The following KRIT1 variants were observed in gnomAD, a reference collection of about 807,000 sequenced individuals.
KRIT1 encodes krev interaction trapped protein 1.
KRIT1 carries 45 observed loss-of-function variants against 95.8 expected under a neutral mutation model. That is an observed-to-expected ratio of 0.47 (90% CI 0.37 to 0.60). The LOEUF (loss-of-function observed/expected upper bound fraction) is 0.60. Among genes scored for constraint, KRIT1 ranks in the 20% least tolerant of loss-of-function variants. The probability of loss-of-function intolerance (pLI) is 0.00; values close to 1 mark genes in which losing one functional copy is unlikely to be tolerated. For missense variants in KRIT1, 788 were observed against 877.5 expected (o/e 0.90, Z 1.29); for synonymous variants, 282 against 278.8 (o/e 1.01, Z -0.11).
intron 5 of KRIT1, 86 bp downstream of exon 5, chr7:92,240,907 A>G (rs1189161837): frequency 3.8e-6 from 4 of 1,064,018 alleles, no homozygotes; most frequent in African/African-American, 1.6e-5. Context: ...ATAAAAAGAA[A>G]TTGGTTTAAT....
At chr7:92,231,606 G>C (rs559573198) in intron 10 of KRIT1, among the ~76,000 whole-genome samples, 1 of 152,186 alleles carries the variant, frequency 6.6e-6, no homozygotes. Context: ...ACAGTCAAGA[G>C]CCCAGTGTCC....
At chr7:92,232,504 C>T (rs1466155710) in intron 10 of KRIT1, among the ~76,000 whole-genome samples, 2 of 147,480 alleles carry the variant, frequency 1.4e-5, no homozygotes, top group African/African-American at 5.1e-5. Context: ...ACCATTCTTT[C>T]ATTAGAGGGG....
intron 17 of KRIT1, among the ~76,000 whole-genome samples, chr7:92,212,098 C>G (rs1312059159): frequency 6.6e-6 from 1 of 151,994 alleles, no homozygotes; most frequent in Non-Finnish European, 1.5e-5. Context: ...GAGTGAGACC[C>G]TGTCTCAAAA....
intron 17 of KRIT1, 137 bp downstream of exon 17, chr7:92,213,058 C>A (rs1201418821): frequency 3.2e-6 from 2 of 632,158 alleles, no homozygotes; most frequent in Non-Finnish European, 5.7e-6. Context: ...GATTTAGTGT[C>A]CCCCTTCCTC....
Position 92,241,097 on chromosome 7 carries a change from A to G in KRIT1, c.158T>C (p.Leu53Ser), listed in dbSNP as rs750425590. ...GTTGCCTTGAAGTTTCGTTTCCAAT[A>G]AAACTTTCTTTCTCTTTTTTTTCTG... ...EGQKKKRKKV[L>S]LETKLQGNSE... The change falls in exon 5 of 19, where the codon TTA becomes TCA. Residue 53 changes from leucine (L) to serine (S), a missense_variant. Leu to Ser is a moderately radical substitution (Grantham distance 145, BLOSUM62 -2). Coordinates refer to ENST00000394505, the MANE Select transcript of KRIT1 (RefSeq NM_194454.3). 1 of 1,611,254 alleles carries G rather than the reference A, an allele frequency of 6.2e-7. No individual in the cohort carries two copies. Among genetic ancestry groups the G allele is most frequent in the East Asian group, 2.2e-5 (1 of 44,852 alleles).
At chr7:92,207,193 C>T (rs1472639006) in intron 17 of KRIT1, among the ~76,000 whole-genome samples, 1 of 151,924 alleles carries the variant, frequency 6.6e-6, no homozygotes, top group Non-Finnish European at 1.5e-5. Flanking sequence ...AAGGTCTTTC[C>T]CAAGGCATGT....
At chr7:92,220,113 A>T (rs552325730) in intron 14 of KRIT1, among the ~76,000 whole-genome samples, 3 of 152,288 alleles carry the variant, frequency 2.0e-5, no homozygotes, top group Non-Finnish European at 4.4e-5. Flanking sequence ...TTATCTTAGG[A>T]GGACAGTTTT....
At chr7:92,207,062 T>C (rs1584747708) in intron 17 of KRIT1, among the ~76,000 whole-genome samples, 2 of 150,652 alleles carry the variant, frequency 1.3e-5, no homozygotes, top group East Asian at 2.0e-4. Context: ...GGAGAAGAAA[T>C]GGAGAAAGTC....
intron 17 of KRIT1, among the ~76,000 whole-genome samples, chr7:92,211,758 A>G (rs1792890660): frequency 6.6e-6 from 1 of 152,200 alleles, no homozygotes; most frequent in South Asian, 2.1e-4. Flanking sequence ...GTATCAAAAT[A>G]TGACATGTAC....
At chr7:92,208,229 G>A (rs1368290395) in intron 17 of KRIT1, among the ~76,000 whole-genome samples, 2 of 151,992 alleles carry the variant, frequency 1.3e-5, no homozygotes, top group East Asian at 3.8e-4. Flanking sequence ...AAAGTTTACT[G>A]CAATAACATC....
chr7:92,229,330 C>A (rs1796824722), intron 10 of KRIT1, among the ~76,000 whole-genome samples: 1 of 152,078 alleles, frequency 6.6e-6, no homozygotes, highest in Admixed American at 6.6e-5. Context: ...CTCTGCACAG[C>A]AAAAGAAACT....
At chr7:92,226,389 GTTAC>G (rs1469798889) in intron 11 of KRIT1, 133 bp downstream of exon 11, 1 of 709,680 alleles carries the variant, frequency 1.4e-6, no homozygotes, top group Admixed American at 2.2e-5. Context: ...CATATATTCC[GTTAC>G]TTATTCTATA....
In KRIT1 at chr7:92,213,187, A is replaced by G. The variant is rs1793252605; in HGVS notation, c.2025+8T>C. On this transcript the variant is annotated splice_region_variant and intron_variant, in intron 17 of 18. Transcript: ENST00000394505. ...GACATGATTGGTAAAAAAGAGCTGAAAATCTACCTTAGTTTCCATGTTGAG... is the reference window on the plus strand; with the variant it reads ...GACATGATTGGTAAAAAAGAGCTGAGAATCTACCTTAGTTTCCATGTTGAG... 1.3e-6 allele frequency: 2 copies of G among 1,588,028 alleles called. No homozygotes were observed. The highest frequency in any genetic ancestry group is 3.3e-5 in the Admixed American group (2 of 59,958).
At chr7:92,204,472 G>A (rs1790924927) in intron 17 of KRIT1, among the ~76,000 whole-genome samples, 1 of 151,554 alleles carries the variant, frequency 6.6e-6, no homozygotes, top group Non-Finnish European at 1.5e-5. Flanking sequence ...CTATTATATT[G>A]TAATATGTAA....
In KRIT1 at chr7:92,226,523, T is replaced by C. The variant is rs950789488; in HGVS notation, c.1146+3A>G. On this transcript the variant is annotated splice_donor_region_variant and intron_variant, in intron 11 of 18. Coordinates refer to ENST00000394505, the MANE Select transcript of KRIT1 (RefSeq NM_194454.3). ...ATTTTTAAAAACCTGGAAAATAACT[T>C]ACTCTATCCGTTTCTGGGTGGTTTA... The C allele has an allele frequency of 1.2e-6, 2 of 1,606,494 alleles. No homozygotes were observed. The highest frequency in any genetic ancestry group is 1.7e-6 in the Non-Finnish European group (2 of 1,173,142).
At chr7:92,221,592 T>C (rs576123075) in intron 14 of KRIT1, among the ~76,000 whole-genome samples, 4 of 152,362 alleles carry the variant, frequency 2.6e-5, no homozygotes, top group African/African-American at 9.6e-5. Context: ...TTATTAAGTT[T>C]ATCCTTGACA....
rs1796640365 is a variant in KRIT1 at position 92,228,438 on chromosome 7, T to G, written c.990-1756A>C. Among the ~76,000 whole-genome samples, 3 of 152,158 alleles carry G rather than the reference T, an allele frequency of 2.0e-5. No individual in the cohort carries two copies. The South Asian group carries it at 6.2e-4, about 31-fold the overall frequency. On this transcript the variant is annotated intron_variant, in intron 10 of 18. Transcript: ENST00000394505. ...ACATCTGAGGGGAAAACAGCCCATTTTTAGAACTGATTTTCCATCTGTTTT... is the reference window on the plus strand; with the variant it reads ...ACATCTGAGGGGAAAACAGCCCATTGTTAGAACTGATTTTCCATCTGTTTT...
intron 14 of KRIT1, among the ~76,000 whole-genome samples, chr7:92,218,691 G>C (rs560348042): frequency 1.3e-5 from 2 of 152,150 alleles, no homozygotes; most frequent in East Asian, 3.9e-4. Flanking sequence ...TTTTAATTGG[G>C]TTGTTGGCCT....
chr7:92,232,057 G>A (rs775461633), intron 10 of KRIT1, among the ~76,000 whole-genome samples: 18 of 152,074 alleles, frequency 1.2e-4, no homozygotes, highest in East Asian at 3.9e-4. Flanking sequence ...TCAGCCTCCC[G>A]AGCAGCTGGG....
Sources: allele counts gnomAD v4.1 joint callset (sites outside exome capture counted in the v4.1 genomes callset), GRCh38; gene constraint gnomAD v4.1.1; transcripts MANE v1.5; gene names NCBI Gene and HGNC (gene_info 2026-07-23, HGNC 2026-07-21).